RAB2A: variants seen among roughly 807,000 people sequenced by gnomAD.
RAB2A encodes RAB2A, member RAS oncogene family.
RAB2A carries 7 observed loss-of-function variants against 32.5 expected under a neutral mutation model. The observed-to-expected ratio is 0.22, with a 90% confidence interval of 0.12 to 0.40. The LOEUF is 0.40. Among genes scored for constraint, RAB2A ranks in the 10% least tolerant of loss-of-function variants. The pLI, the probability that RAB2A is intolerant of heterozygous loss-of-function variation, is 1.00. For synonymous variants in RAB2A, 79 were observed against 85.2 expected, an observed-to-expected ratio of 0.93 and a Z score of 0.40; for missense variants, 108 against 260.7, an observed-to-expected ratio of 0.41 and a Z score of 4.03.
intron 1 of RAB2A, among the ~76,000 whole-genome samples, chr8:60,547,612 C>T (rs1245271561): frequency 1.1e-4 from 11 of 101,016 alleles, no homozygotes; most frequent in African/African-American, 2.6e-4. Flanking sequence ...CGGGCAGAGG[C>T]GCCCCTCACC....
At chr8:60,528,821 C>T (rs903676388) in intron 1 of RAB2A, among the ~76,000 whole-genome samples, 3 of 152,062 alleles carry the variant, frequency 2.0e-5, no homozygotes, top group African/African-American at 4.8e-5. Context: ...GTGATCCTCC[C>T]GCCTCAGCCC....
intron 1 of RAB2A, among the ~76,000 whole-genome samples, chr8:60,555,421 AT>A (rs1807921950): frequency 7.5e-6 from 1 of 133,536 alleles, no homozygotes; most frequent in African/African-American, 3.3e-5. Context: ...AAAGGAAACA[AT>A]CAATAGAGTG....
At chr8:60,589,765 G>A (rs1803911639) in intron 5 of RAB2A, among the ~76,000 whole-genome samples, 1 of 152,114 alleles carries the variant, frequency 6.6e-6, no homozygotes, top group African/African-American at 2.4e-5. Context: ...ATATCGTCAA[G>A]TACTATGGCT....
rs1807213466 is a variant in RAB2A, at chr8:60,516,987, A to G, written c.-221A>G. 7.0e-6 allele frequency: 3 copies of G among 425,828 alleles called. No individual in the cohort carries two copies. Among genetic ancestry groups the G allele is most frequent in the Non-Finnish European group, 1.3e-5 (3 of 238,368 alleles). 26.4% of individuals were successfully genotyped at this position (425,828 alleles called of 1,614,324 possible). A position where few individuals can be genotyped will look rare whatever the true frequency, so the allele number is the denominator to read the frequency against. On this transcript the variant is annotated 5_prime_UTR_variant, in exon 1 of 8. Transcript: ENST00000262646. The stretch of plus-strand genomic sequence containing the variant: ...GGGCGGAGGCGCCGCGGCGGCTGTT[A>G]TTGTTCGGCTGGGCTCGGTCGGGCG...
At chr8:60,606,942 G>A (rs1353980351) in intron 6 of RAB2A, among the ~76,000 whole-genome samples, 6 of 152,166 alleles carry the variant, frequency 3.9e-5, no homozygotes, top group Non-Finnish European at 5.9e-5. Flanking sequence ...TGGAATTGGC[G>A]GGGGATGCGT....
chr8:60,548,612 C>G (rs1233395793), intron 1 of RAB2A, among the ~76,000 whole-genome samples: 1 of 144,470 alleles, frequency 6.9e-6, no homozygotes, highest in Non-Finnish European at 1.5e-5. Flanking sequence ...CCCCTCACTT[C>G]CCGGATGGGG....
intron 5 of RAB2A, among the ~76,000 whole-genome samples, chr8:60,591,315 C>T (rs1803940629): frequency 6.6e-6 from 1 of 151,798 alleles, no homozygotes; most frequent in Non-Finnish European, 1.5e-5. Context: ...TTCTCCCTCC[C>T]TCCCTCCCTC....
chr8:60,607,628 T>A (rs1350652924), intron 6 of RAB2A, among the ~76,000 whole-genome samples: 6 of 152,072 alleles, frequency 3.9e-5, no homozygotes, highest in Admixed American at 3.9e-4. Context: ...TAATGTACAC[T>A]TAAGAATTCT....
At chr8:60,615,771 T>C (rs1443118128) in intron 6 of RAB2A, among the ~76,000 whole-genome samples, 1 of 152,186 alleles carries the variant, frequency 6.6e-6, no homozygotes, top group Non-Finnish European at 1.5e-5. Flanking sequence ...TGTGTGTGTG[T>C]GCAAAGCCTA....
intron 7 of RAB2A, 22 bp from the exon 8 acceptor site, chr8:60,620,652 G>T (rs1453048879): frequency 6.6e-7 from 1 of 1,526,090 alleles, no homozygotes. Context: ...CATATTTATT[G>T]TTCTGTTCTC....
In RAB2A at chr8:60,574,945, TC is replaced by T. The variant is rs544004455; in HGVS notation, c.186+2834del. 4.6e-4 allele frequency among the ~76,000 whole-genome samples: 70 copies of T among 152,254 alleles called. 1 individual carries two copies. In the South Asian group the frequency reaches 0.014, roughly 31 times the overall value. ...ACATCCCAGAAAGAATTCGACCACTTCCAGCTTCTACATGGAGAGCTCCCAG... is the reference window on the plus strand; with the variant it reads ...ACATCCCAGAAAGAATTCGACCACTTCAGCTTCTACATGGAGAGCTCCCAG... On this transcript the variant is annotated intron_variant, in intron 3 of 7. Coordinates refer to ENST00000262646, the MANE Select transcript of RAB2A (RefSeq NM_002865.3).
chr8:60,588,025 G>A (rs1803877465), intron 5 of RAB2A, among the ~76,000 whole-genome samples: 1 of 152,176 alleles, frequency 6.6e-6, no homozygotes, highest in Non-Finnish European at 1.5e-5. Flanking sequence ...AGTTTCTTTA[G>A]AAATTAAAAG....
chr8:60,597,320 A>G (rs1342825896), intron 6 of RAB2A, among the ~76,000 whole-genome samples: 8 of 152,184 alleles, frequency 5.3e-5, no homozygotes, highest in Admixed American at 2.6e-4. Flanking sequence ...GGAAACCATC[A>G]TTCTCAGCAA....
chr8:60,613,193 T>C (rs1301789821), intron 6 of RAB2A, among the ~76,000 whole-genome samples: 2 of 152,224 alleles, frequency 1.3e-5, no homozygotes, highest in Non-Finnish European at 2.9e-5. Context: ...GAATTGACTA[T>C]AGAGCATTGA....
intron 2 of RAB2A, among the ~76,000 whole-genome samples, chr8:60,562,720 G>A (rs1808042663): frequency 6.6e-6 from 1 of 152,122 alleles, no homozygotes; most frequent in Non-Finnish European, 1.5e-5. Flanking sequence ...GGTGCTTAAT[G>A]TTCATTGTCG....
At chr8:60,586,386 A>G (rs534194208) in intron 5 of RAB2A, among the ~76,000 whole-genome samples, 1 of 86,368 alleles carries the variant, frequency 1.2e-5, no homozygotes, top group South Asian at 5.2e-4. Flanking sequence ...TGCCCGTTAA[A>G]AAAAAAAGAG....
At chr8:60,581,137 G>C (rs973240874) in intron 3 of RAB2A, among the ~76,000 whole-genome samples, 6 of 152,332 alleles carry the variant, frequency 3.9e-5, no homozygotes, top group Admixed American at 1.3e-4. Context: ...AACAGAGACG[G>C]CTGCAGTTTA....
intron 6 of RAB2A, among the ~76,000 whole-genome samples, chr8:60,606,151 AAAACAAAC>A (rs148384210): frequency 1.3e-5 from 2 of 151,910 alleles, no homozygotes; most frequent in African/African-American, 4.9e-5. Context: ...TCCGTCTTAG[AAAACAAAC>A]AAACAAACAA....
intron 1 of RAB2A, among the ~76,000 whole-genome samples, chr8:60,528,828 G>GC (rs1242994333): frequency 6.6e-6 from 1 of 152,194 alleles, no homozygotes; most frequent in South Asian, 2.1e-4. Flanking sequence ...TCCCGCCTCA[G>GC]CCCCCCGAAA....
Sources: allele counts gnomAD v4.1 joint callset (sites outside exome capture counted in the v4.1 genomes callset), GRCh38; gene constraint gnomAD v4.1.1; transcripts MANE v1.5; gene names NCBI Gene and HGNC (gene_info 2026-07-23, HGNC 2026-07-21).